Variants in RRBP1 observed in about 807,000 individuals in gnomAD.
The protein encoded by RRBP1 is ribosome binding protein 1.
In RRBP1, 94 loss-of-function variants were observed where a neutral mutation model predicts 165.2. The ratio of observed to expected loss-of-function variants is 0.57; its 90% confidence interval spans 0.48 to 0.68. RRBP1 has a LOEUF of 0.68. RRBP1 is among the 30% of genes least tolerant of loss of function. The pLI is 0.00. For synonymous variants in RRBP1, 680 were observed against 714.5 expected (o/e 0.95, Z 0.77); for missense variants, 1,676 against 1,763.0 (o/e 0.95, Z 0.88).
intron 5 of RRBP1, among the ~76,000 whole-genome samples, chr20:17,640,952 T>C (rs973598334): frequency 5.3e-5 from 8 of 152,170 alleles, no homozygotes; most frequent in Non-Finnish European, 1.5e-5. Flanking sequence ...CTGCGCCCGC[T>C]GCCCGGGATG....
At chr20:17,650,387 A>G (rs902687248) in intron 3 of RRBP1, among the ~76,000 whole-genome samples, 3 of 152,150 alleles carry the variant, frequency 2.0e-5, no homozygotes, top group East Asian at 3.9e-4. Flanking sequence ...CTCTCTGGCC[A>G]CAGAGTAAAA....
intron 11 of RRBP1, among the ~76,000 whole-genome samples, chr20:17,626,288 ACAAGAG>A (rs1244719539): frequency 6.6e-6 from 1 of 152,250 alleles, no homozygotes. Flanking sequence ...ATCTTAAAAC[ACAAGAG>A]CAAAACAACA....
At chr20:17,657,564 GA>G (rs1314691987) in intron 3 of RRBP1, among the ~76,000 whole-genome samples, 1 of 148,992 alleles carries the variant, frequency 6.7e-6, no homozygotes, top group Non-Finnish European at 1.5e-5. Context: ...GAAAAGAAAA[GA>G]AAGGAAAAAA....
At chr20:17,665,468 T>C (rs977646485) in intron 2 of RRBP1, among the ~76,000 whole-genome samples, 10 of 152,294 alleles carry the variant, frequency 6.6e-5, no homozygotes, top group South Asian at 4.1e-4. Context: ...GCCTCTCAGG[T>C]TCAAGCCATT....
At chr20:17,651,039 C>T (rs1401442349) in intron 3 of RRBP1, among the ~76,000 whole-genome samples, 7 of 152,186 alleles carry the variant, frequency 4.6e-5, no homozygotes, top group African/African-American at 1.7e-4. Context: ...CTGACAGTAC[C>T]CGGAACACGG....
intron 8 of RRBP1, among the ~76,000 whole-genome samples, chr20:17,632,836 T>TC (rs1471794741): frequency 6.6e-6 from 1 of 151,778 alleles, no homozygotes; most frequent in Non-Finnish European, 1.5e-5. Context: ...GCTGCCCGTG[T>TC]CCCCCTGGGG....
chr20:17,650,328 G>A (rs912650364), intron 3 of RRBP1, among the ~76,000 whole-genome samples: 8 of 152,178 alleles, frequency 5.3e-5, no homozygotes, highest in Non-Finnish European at 1.5e-5. Flanking sequence ...CTGAGTGTTT[G>A]CCACCTCATG....
chr20:17,617,547 G>A (rs2035824900), intron 20 of RRBP1, among the ~76,000 whole-genome samples: 1 of 152,246 alleles, frequency 6.6e-6, no homozygotes, highest in Admixed American at 6.5e-5. Flanking sequence ...CTGCACAGCT[G>A]GAAGACAACA....
In RRBP1 at chr20:17,675,867, G is replaced by C. The variant is rs144003122; in HGVS notation, c.-22+4132C>G. On this transcript the variant is annotated intron_variant, in intron 2 of 24. Transcript: ENST00000377813. The stretch of plus-strand genomic sequence containing the variant: ...AACAGACTAGAAGGCAGGGGGTATA[G>C]GCAAAGGCAGGGAGCCCACCAGAGG... Among the ~76,000 whole-genome samples, 230 of 152,296 alleles carry C rather than the reference G, an allele frequency of 1.5e-3. 1 individual carries two copies. Among genetic ancestry groups the C allele is most frequent in the African/African-American group, 5.3e-3 (221 of 41,550 alleles).
intron 12 of RRBP1, 129 bp downstream of exon 12, chr20:17,625,383 C>T: frequency 2.6e-6 from 2 of 783,694 alleles, no homozygotes; most frequent in Non-Finnish European, 4.2e-6. Flanking sequence ...CCCCACAGCA[C>T]AATGGGGTGT....
chr20:17,674,659 G>C (rs2037041569), intron 2 of RRBP1, among the ~76,000 whole-genome samples: 1 of 151,996 alleles, frequency 6.6e-6, no homozygotes, highest in African/African-American at 2.4e-5. Context: ...CAGCAGGAGG[G>C]TGAGGCAGGA....
intron 2 of RRBP1, among the ~76,000 whole-genome samples, chr20:17,667,560 T>G (rs2036895614): frequency 6.6e-6 from 1 of 152,116 alleles, no homozygotes; most frequent in African/African-American, 2.4e-5. Flanking sequence ...CTTCCTAACA[T>G]CCATACGTGA....
chr20:17,616,341 G>T (rs2040318999), intron 21 of RRBP1, among the ~76,000 whole-genome samples: 1 of 152,196 alleles, frequency 6.6e-6, no homozygotes, highest in Admixed American at 6.5e-5. Flanking sequence ...AGGACTCTTG[G>T]TGGCTATTGC....
intron 8 of RRBP1, 38 bp downstream of exon 8, chr20:17,633,422 G>A (rs774747803): frequency 3.1e-6 from 5 of 1,597,328 alleles, no homozygotes; most frequent in Non-Finnish European, 4.3e-6. Context: ...TTGCTGGGCA[G>A]TGAACAGGGC....
In RRBP1 at chr20:17,629,982, G is replaced by A. The variant is rs778887291; in HGVS notation, c.2611-21C>T. 8 of 1,585,200 alleles carry A rather than the reference G, an allele frequency of 5.0e-6. No individual in the cohort carries two copies. The East Asian group carries it at 1.6e-4, about 31-fold the overall frequency. On this transcript the variant is annotated intron_variant, in intron 8 of 24. Transcript: ENST00000377813. Reference sequence around the variant, plus strand: ...GACGCCTGGGGACGGGCAGGGGAGTGGGGCAGTGAAGACGTGGAAGGACCA... The same window carrying A: ...GACGCCTGGGGACGGGCAGGGGAGTAGGGCAGTGAAGACGTGGAAGGACCA...
intron 19 of RRBP1, 169 bp from the exon 20 acceptor site, chr20:17,618,848 A>G (rs1299751476): frequency 1.6e-6 from 1 of 612,420 alleles, no homozygotes; most frequent in African/African-American, 1.8e-5. Flanking sequence ...TCCTACAGCT[A>G]CGATTTCTTT....
At chr20:17,616,464 C>T (rs1257939484) in intron 21 of RRBP1, among the ~76,000 whole-genome samples, 1 of 152,192 alleles carries the variant, frequency 6.6e-6, no homozygotes, top group Non-Finnish European at 1.5e-5. Context: ...TGCTCCTGAG[C>T]CCTGTAGGTG....
chr20:17,620,998 G>A (rs1160848492), intron 16 of RRBP1, among the ~76,000 whole-genome samples, 191 bp from the exon 17 acceptor site: 1 of 152,116 alleles, frequency 6.6e-6, no homozygotes, highest in African/African-American at 2.4e-5. Context: ...GTGGGCCAGT[G>A]TGGCTGCAGT....
At chr20:17,615,668 G>A (rs1340151405) in intron 22 of RRBP1, 139 bp from the exon 23 acceptor site, 3 of 674,660 alleles carry the variant, frequency 4.4e-6, no homozygotes, top group South Asian at 4.2e-5. Context: ...GCTGGAATGA[G>A]TGGGCCAGAC....
Sources: gnomAD v4.1 joint callset for allele counts (sites outside exome capture counted in the v4.1 genomes callset) on GRCh38, gnomAD v4.1.1 for gene constraint, MANE v1.5 for transcripts, NCBI Gene and HGNC (gene_info 2026-07-23, HGNC 2026-07-21) for gene names.